The following GHR variants were observed in gnomAD, a reference collection of about 807,000 sequenced individuals.
GHR encodes the protein growth hormone receptor, also known as GH receptor.
GHR carries 35 observed loss-of-function variants against 67.1 expected under a neutral mutation model. The ratio of observed to expected loss-of-function variants is 0.52; its 90% CI spans 0.40 to 0.69. The LOEUF is 0.69. GHR is among the 30% of genes least tolerant of loss of function. GHR has a pLI of 0.00. For missense variants in GHR, 792 were observed against 764.6 expected (o/e 1.04, Z -0.42); for synonymous variants, 272 against 269.1 (o/e 1.01, Z -0.10).
At chr5:42,482,077 G>T (rs989004346) in intron 1 of GHR, among the ~76,000 whole-genome samples, 2 of 151,704 alleles carry the variant, frequency 1.3e-5, no homozygotes, top group Non-Finnish European at 2.9e-5. Context: ...TGTCCTTCCT[G>T]TTCATTAGTT....
In GHR at chr5:42,701,897, TC is replaced by T. The variant is rs541336042; in HGVS notation, c.618+1897del. Reference sequence around the variant, plus strand: ...AATCAAATCATGCATGGGGAAATGATCCATTCAAAGTACTAGATAGAATCGT... The same window carrying T: ...AATCAAATCATGCATGGGGAAATGATCATTCAAAGTACTAGATAGAATCGT... On this transcript the variant is annotated intron_variant, in intron 6 of 9. Transcript: ENST00000230882. 4.6e-4 allele frequency among the ~76,000 whole-genome samples: 70 copies of T among 152,220 alleles called. 1 individual carries two copies. The highest frequency in any genetic ancestry group is 7.5e-4 in the Non-Finnish European group (51 of 67,986).
chr5:42,567,353 A>G lies in GHR; in HGVS notation c.70+1409A>G, dbSNP rs1179471512. On this transcript the variant is annotated intron_variant, in intron 2 of 9. Transcript: ENST00000230882. The stretch of plus-strand genomic sequence containing the variant: ...ACATTTTAGAACTAGAAAGTCTGCA[A>G]GGAGCATCTGTTTCAGCTGCTTCGA... 2.6e-5 allele frequency among the ~76,000 whole-genome samples: 4 copies of G among 152,246 alleles called. No individual in the cohort carries two copies. The East Asian group carries it at 7.7e-4, about 29-fold the overall frequency.
chr5:42,579,061 C>A (rs1225710403), intron 2 of GHR, among the ~76,000 whole-genome samples: 1 of 146,344 alleles, frequency 6.8e-6, no homozygotes, highest in Non-Finnish European at 1.5e-5. Flanking sequence ...GTTTTAAACT[C>A]TAAATCTGAC....
chr5:42,466,609 A>G (rs1579751702), intron 1 of GHR, among the ~76,000 whole-genome samples: 2 of 152,258 alleles, frequency 1.3e-5, no homozygotes, highest in Admixed American at 6.5e-5. Flanking sequence ...ATTACTTTGT[A>G]TGACCCATTC....
chr5:42,483,813 C>T (rs1745761925), intron 1 of GHR, among the ~76,000 whole-genome samples: 1 of 152,176 alleles, frequency 6.6e-6, no homozygotes, highest in Non-Finnish European at 1.5e-5. Context: ...TCTGAACTCT[C>T]AAAAATCAAG....
intron 1 of GHR, among the ~76,000 whole-genome samples, chr5:42,561,692 G>A (rs778858355): frequency 6.6e-6 from 1 of 152,194 alleles, no homozygotes; most frequent in East Asian, 1.9e-4. Context: ...GGCTTTGAGG[G>A]TAGAAATGGT....
chr5:42,668,268 G>A (rs1001982824), intron 3 of GHR, among the ~76,000 whole-genome samples: 4 of 151,998 alleles, frequency 2.6e-5, no homozygotes, highest in South Asian at 4.1e-4. Flanking sequence ...TATTTCACTC[G>A]GTACATATTT....
chr5:42,559,786 T>C (rs1749502994), intron 1 of GHR, among the ~76,000 whole-genome samples: 1 of 152,180 alleles, frequency 6.6e-6, no homozygotes, highest in Non-Finnish European at 1.5e-5. Context: ...ACATAAGGCA[T>C]TTTGGATCTG....
intron 1 of GHR, among the ~76,000 whole-genome samples, chr5:42,513,235 A>C (rs1196554893): frequency 6.6e-6 from 1 of 152,124 alleles, no homozygotes; most frequent in African/African-American, 2.4e-5. Flanking sequence ...ATTGTGTAGG[A>C]GCAGTTATTT....
At chr5:42,468,646 G>T in intron 1 of GHR, 1 of 1,062,060 alleles carries the variant, frequency 9.4e-7, no homozygotes, top group Non-Finnish European at 1.4e-6. Context: ...TGTCTTTCTG[G>T]GACTCCTTGC....
chr5:42,703,895 C>T (rs1471775715), intron 6 of GHR, among the ~76,000 whole-genome samples: 3 of 151,714 alleles, frequency 2.0e-5, no homozygotes, highest in African/African-American at 7.3e-5. Flanking sequence ...GACTTTGTAT[C>T]CTGCAGCTTT....
At chr5:42,431,384 GT>G (rs1288321674) in intron 1 of GHR, among the ~76,000 whole-genome samples, 1 of 152,088 alleles carries the variant, frequency 6.6e-6, no homozygotes, top group African/African-American at 2.4e-5. Flanking sequence ...AAAAGTCATT[GT>G]TTTTTAGTCT....
At chr5:42,631,784 G>GA (rs776363010) in intron 3 of GHR, among the ~76,000 whole-genome samples, 2 of 152,066 alleles carry the variant, frequency 1.3e-5, no homozygotes, top group Non-Finnish European at 2.9e-5. Flanking sequence ...CCCCATGGAA[G>GA]AAAAAATGAA....
intron 4 of GHR, among the ~76,000 whole-genome samples, chr5:42,690,231 C>T (rs143402933): frequency 2.1e-3 from 325 of 152,298 alleles, no homozygotes; most frequent in African/African-American, 7.4e-3. Flanking sequence ...ATGCAGCCAG[C>T]AGTTAAGGGT....
intron 2 of GHR, among the ~76,000 whole-genome samples, chr5:42,574,297 C>A (rs998048865): frequency 3.9e-5 from 6 of 152,220 alleles, no homozygotes; most frequent in South Asian, 2.1e-4. Flanking sequence ...ATAGAAAGTA[C>A]ATGAAGTGCC....
At chr5:42,492,937 A>G (rs148601144) in intron 1 of GHR, among the ~76,000 whole-genome samples, 1 of 152,366 alleles carries the variant, frequency 6.6e-6, no homozygotes, top group Non-Finnish European at 1.5e-5. Flanking sequence ...TAAGCCTACA[A>G]GTATTTACAG....
At chr5:42,715,302 T>C (rs1056717152) in intron 8 of GHR, among the ~76,000 whole-genome samples, 1 of 152,202 alleles carries the variant, frequency 6.6e-6, no homozygotes, top group African/African-American at 2.4e-5. Flanking sequence ...TGTCAGCAAG[T>C]ATGGACAGAA....
At chr5:42,608,583 C>A (rs1752740253) in intron 2 of GHR, among the ~76,000 whole-genome samples, 1 of 151,994 alleles carries the variant, frequency 6.6e-6, no homozygotes, top group African/African-American at 2.4e-5. Flanking sequence ...AAATATATTT[C>A]TTTTTGTGGA....
At chr5:42,648,271 A>G (rs369304524) in intron 3 of GHR, among the ~76,000 whole-genome samples, 2 of 152,096 alleles carry the variant, frequency 1.3e-5, no homozygotes, top group African/African-American at 4.8e-5. Context: ...TAGAGTTCTG[A>G]GGTTTATTCC....
Sources: allele counts gnomAD v4.1 joint callset (sites outside exome capture counted in the v4.1 genomes callset), GRCh38; gene constraint gnomAD v4.1.1; transcripts MANE v1.5; gene names NCBI Gene and HGNC (gene_info 2026-07-23, HGNC 2026-07-21).